PDXDC1: variants seen among roughly 807,000 people sequenced by gnomAD.
PDXDC1 encodes pyridoxal-dependent decarboxylase domain-containing protein 1.
In PDXDC1, 42 loss-of-function variants were observed where a neutral mutation model predicts 100.1. The observed-to-expected ratio is 0.42, with a 90% CI of 0.33 to 0.54. PDXDC1 has a LOEUF of 0.54. Among genes scored for constraint, PDXDC1 ranks in the 20% least tolerant of loss-of-function variants. The pLI, the probability that PDXDC1 is intolerant of heterozygous loss-of-function variation, is 0.10. For missense variants in PDXDC1, 636 were observed against 979.2 expected (o/e 0.65, Z 4.68); for synonymous variants, 260 against 371.7 (o/e 0.70, Z 3.46).
At chr16:14,999,280 C>T (rs868587627) in intron 3 of PDXDC1, among the ~76,000 whole-genome samples, 7 of 152,364 alleles carry the variant, frequency 4.6e-5, no homozygotes, top group South Asian at 2.1e-4. Context: ...TTGGCCAGGA[C>T]GGTCTCCATC....
chr16:15,065,808 T>C (rs1435096102), intron 16 of PDXDC1, among the ~76,000 whole-genome samples: 1 of 152,036 alleles, frequency 6.6e-6, no homozygotes, highest in Non-Finnish European at 1.5e-5. Flanking sequence ...GAAATAGTGG[T>C]TGGTGAAGAG....
the PDXDC1 span, among the ~76,000 whole-genome samples, chr16:15,147,551 G>C: frequency 6.6e-6 from 1 of 152,170 alleles, no homozygotes; most frequent in Non-Finnish European, 1.5e-5. Flanking sequence ...TTTTGAGACA[G>C]AGTTTCACTC....
chr16:14,991,271 G>GTA (rs1363443171), intron 1 of PDXDC1, among the ~76,000 whole-genome samples: 229 of 11,994 alleles, frequency 0.019, no homozygotes, highest in Non-Finnish European at 0.062. Context: ...ATAGATATGT[G>GTA]TGTGTGTGTG....
Position 15,037,936 on chromosome 16 carries a change from G to T in PDXDC1, c.*1661G>T. ...ACACTGAGGAGGGAAGGAGGCCTAA[G>T]ACCCAACAGATGTAGGATCCAGATC... On this transcript the variant is annotated 3_prime_UTR_variant, in exon 23 of 23. Coordinates refer to ENST00000396410, the MANE Select transcript of PDXDC1 (RefSeq NM_015027.4). The T allele has an allele frequency of 1.2e-6, 1 of 828,894 alleles. No homozygotes were observed. Among genetic ancestry groups the T allele is most frequent in the Non-Finnish European group, 2.0e-6 (1 of 510,788 alleles). 51.3% of individuals were successfully genotyped at this position (828,894 alleles called of 1,614,324 possible).
At chr16:15,088,278 C>A (rs1011776427) in intron 16 of PDXDC1, among the ~76,000 whole-genome samples, 3 of 152,116 alleles carry the variant, frequency 2.0e-5, no homozygotes, top group African/African-American at 7.2e-5. Flanking sequence ...GAATTTGAGA[C>A]CAGCCTGGGC....
chr16:15,095,751 G>A (rs1377267192), intron 16 of PDXDC1, among the ~76,000 whole-genome samples: 1 of 151,936 alleles, frequency 6.6e-6, no homozygotes, highest in African/African-American at 2.4e-5. Flanking sequence ...TTGGGAGGCC[G>A]AGGCAGGAGA....
At chr16:14,991,680 G>C (rs1286977752) in intron 1 of PDXDC1, among the ~76,000 whole-genome samples, 1 of 152,202 alleles carries the variant, frequency 6.6e-6, no homozygotes, top group Non-Finnish European at 1.5e-5. Flanking sequence ...TACCATGCCC[G>C]GCTTACTTTT....
At chr16:14,995,047 C>G (rs1179841293) in intron 1 of PDXDC1, among the ~76,000 whole-genome samples, 1 of 152,296 alleles carries the variant, frequency 6.6e-6, no homozygotes, top group Admixed American at 6.5e-5. Flanking sequence ...TGGGCTGAGA[C>G]GATGGGGTTT....
chr16:15,072,954 T>C, intron 16 of PDXDC1: 1 of 1,613,154 alleles, frequency 6.2e-7, no homozygotes, highest in Non-Finnish European at 8.5e-7. Flanking sequence ...ACTCACCAAT[T>C]TGAAACTACA....
Position 15,119,417 on chromosome 16 carries a change from G to GTT in PDXDC1, c.1400-19449_1400-19448dup, listed in dbSNP as rs371785165. Among the ~76,000 whole-genome samples the GTT allele has an allele frequency of 3.8e-4, 52 of 137,900 alleles. 1 individual carries two copies. The highest frequency in any genetic ancestry group is 1.1e-3 in the African/African-American group (40 of 37,736). 90.5% of individuals were successfully genotyped at this position (137,900 alleles called of 152,430 possible). On this transcript the variant is annotated intron_variant, in intron 16 of 16. Coordinates refer to the PDXDC1 transcript ENST00000535621. ...GATCTAAAAAAAAAAAATTTTTTTT[G>GTT]TTTTTTTTTTTTTTGAGACAGAGTT...
intron 16 of PDXDC1, among the ~76,000 whole-genome samples, chr16:15,109,655 T>A (rs2046953339): frequency 2.6e-5 from 1 of 39,182 alleles, no homozygotes; most frequent in Admixed American, 4.6e-4. Flanking sequence ...AGACTCTGTC[T>A]CAAAAAAAAA....
chr16:15,072,870 C>A, intron 16 of PDXDC1: 1 of 1,408,366 alleles, frequency 7.1e-7, no homozygotes, highest in South Asian at 1.2e-5. Context: ...TTCATGGTCT[C>A]CGTCCACCCC....
At chr16:15,031,112 A>ATTTTTTTTTTTTTTTTTTTTTTTTTT (rs771115923) in intron 16 of PDXDC1, among the ~76,000 whole-genome samples, 1 of 73,958 alleles carries the variant, frequency 1.4e-5, no homozygotes. Flanking sequence ...CACCACATCT[A>ATTTTTTTTTTTTTTTTTTTTTTTTTT]TTTTTTTTTT....
chr16:14,996,743 G>A (rs1396345935), intron 1 of PDXDC1, among the ~76,000 whole-genome samples: 1 of 152,292 alleles, frequency 6.6e-6, no homozygotes, highest in Non-Finnish European at 1.5e-5. Flanking sequence ...TGTATTCCCA[G>A]GTACTCAGGA....
In PDXDC1 at chr16:15,038,072, C is replaced by T. The variant is rs1277243692; in HGVS notation, c.*1797C>T. On this transcript the variant is annotated 3_prime_UTR_variant, in exon 23 of 23. Coordinates refer to ENST00000396410, the MANE Select transcript of PDXDC1 (RefSeq NM_015027.4). Reference sequence around the variant, plus strand: ...GAGATCTTTTCCCACAAGCCATCTTCATTTTTTTTGTAGAGTAGGGCTTTA... The same window carrying T: ...GAGATCTTTTCCCACAAGCCATCTTTATTTTTTTTGTAGAGTAGGGCTTTA... 4 of 1,612,218 alleles carry T rather than the reference C, an allele frequency of 2.5e-6. No individual in the cohort carries two copies. Among genetic ancestry groups the T allele is most frequent in the Non-Finnish European group, 2.5e-6 (3 of 1,179,368 alleles).
At chr16:15,056,855 GATC>G (rs1302596386) in intron 16 of PDXDC1, among the ~76,000 whole-genome samples, 1 of 152,122 alleles carries the variant, frequency 6.6e-6, no homozygotes, top group Non-Finnish European at 1.5e-5. Context: ...GTACTAAAGA[GATC>G]ATCGATTAAC....
At chr16:15,014,703 T>C (rs2041648140) in intron 8 of PDXDC1, among the ~76,000 whole-genome samples, 2 of 152,286 alleles carry the variant, frequency 1.3e-5, no homozygotes, top group Admixed American at 6.5e-5. Context: ...GGTGAGTGTT[T>C]GAAATCTTTT....
chr16:15,059,531 C>A (rs1156462515), intron 16 of PDXDC1, among the ~76,000 whole-genome samples: 2 of 152,148 alleles, frequency 1.3e-5, no homozygotes, highest in Non-Finnish European at 2.9e-5. Context: ...ACTTGCTCAA[C>A]GTCAAACAGC....
chr16:15,092,257 A>C (rs1426719739), intron 16 of PDXDC1, among the ~76,000 whole-genome samples: 1 of 152,210 alleles, frequency 6.6e-6, no homozygotes, highest in African/African-American at 2.4e-5. Flanking sequence ...TCGTAAATAA[A>C]GCATTTGAAG....
Sources: allele counts gnomAD v4.1 joint callset (sites outside exome capture counted in the v4.1 genomes callset), GRCh38; gene constraint gnomAD v4.1.1; transcripts MANE v1.5; gene names NCBI Gene and HGNC (gene_info 2026-07-23, HGNC 2026-07-21).